The following RGPD1 variants were observed in gnomAD, a reference collection of about 807,000 sequenced individuals.
The protein encoded by RGPD1 is RANBP2-like and GRIP domain-containing protein 1.
In RGPD1, 7 loss-of-function variants were observed where a neutral mutation model predicts 40.6. The ratio of observed to expected loss-of-function variants is 0.17; its 90% CI spans 0.10 to 0.32. The LOEUF (loss-of-function observed/expected upper bound fraction) is 0.32. Among genes scored for constraint, RGPD1 ranks in the 10% least tolerant of loss-of-function variants. RGPD1 has a pLI of 1.00. For synonymous variants in RGPD1, 24 were observed against 167.0 expected (o/e 0.14, Z 6.60); for missense variants, 50 against 472.5 (o/e 0.11, Z 8.29).
chr2:86,941,099 A>G (rs566580682), upstream of RGPD1, among the ~76,000 whole-genome samples: 17 of 152,220 alleles, frequency 1.1e-4, no homozygotes, highest in African/African-American at 4.1e-4. Context: ...AAAATAGCCC[A>G]AATTTCCAGT....
At chr2:86,925,728 G>A (rs1416949347) in intron 1 of RGPD1, among the ~76,000 whole-genome samples, 1 of 151,764 alleles carries the variant, frequency 6.6e-6, no homozygotes, top group Admixed American at 6.6e-5. Flanking sequence ...GGAATTCACA[G>A]AATGCATAAT....
upstream of RGPD1, among the ~76,000 whole-genome samples, chr2:86,941,469 C>G (rs1573603505): frequency 6.7e-6 from 1 of 148,496 alleles, no homozygotes; most frequent in Non-Finnish European, 1.5e-5. Context: ...TTCATTGTAA[C>G]CTGGAACTCT....
chr2:87,006,487 TGTG>T (rs1361897947), intron 22 of RGPD1, among the ~76,000 whole-genome samples: 1 of 126,060 alleles, frequency 7.9e-6, no homozygotes, highest in Non-Finnish European at 1.6e-5. Flanking sequence ...AGAGGCTGGG[TGTG>T]GTGGCTCACT....
At chr2:86,942,331 G>A (rs1472797063) in intron 1 of RGPD1, 23 bp downstream of exon 1, 14 of 1,555,846 alleles carry the variant, frequency 9.0e-6, no homozygotes, top group South Asian at 3.5e-5. Context: ...CGAAGAGACC[G>A]ACGGCCTCGA....
At chr2:86,942,511 G>A (rs1167907355) in intron 1 of RGPD1, among the ~76,000 whole-genome samples, 2 of 117,670 alleles carry the variant, frequency 1.7e-5, no homozygotes, top group African/African-American at 6.8e-5. Context: ...CGACCTGGCC[G>A]GGCGGCGGCG....
intron 6 of RGPD1, among the ~76,000 whole-genome samples, chr2:86,960,885 G>A (rs1253371151): frequency 3.7e-5 from 1 of 26,752 alleles, no homozygotes; most frequent in Non-Finnish European, 6.2e-5. Flanking sequence ...CACCGCGCCC[G>A]GCTGGTCTCG....
rs1006197768 is a variant in RGPD1 at position 86,942,183 on chromosome 2, G to A, written c.-54G>A. 1.2e-4 allele frequency: 190 copies of A among 1,549,918 alleles called. No individual in the cohort carries two copies. The highest frequency in any genetic ancestry group is 1.5e-4 in the Non-Finnish European group (176 of 1,148,540). On this transcript the variant is annotated 5_prime_UTR_variant, in exon 1 of 23. Coordinates refer to ENST00000641458, the MANE Select transcript of RGPD1 (RefSeq NM_001382344.1). ...CGCTTTCCTGTTGGAATTGGCGACT[G>A]CTGCGGGGCTGAGCGCTGGTTTCAC...
At position 86,914,313 on chromosome 2, in the gene RGPD1, CG is replaced by C. The variant is rs1454676246; in HGVS notation, c.72+394del. Among the ~76,000 whole-genome samples the C allele has an allele frequency of 4.2e-5, 3 of 71,842 alleles. 1 individual carries two copies. The allele number at this position is 71,842 out of a possible 152,430, so 47.1% of individuals were successfully genotyped here. A position where few individuals can be genotyped will look rare whatever the true frequency, so the allele number is the denominator to read the frequency against. ...GCGGCGGCGGCGGCGGCGGCGGCGG[CG>C]GCGGCCTCGGCCTGGCCGGGCGGCG... On this transcript the variant is annotated intron_variant, in intron 1 of 22. Transcript: ENST00000398193.
At chr2:86,943,846 AC>A (rs1399022714) in intron 1 of RGPD1, among the ~76,000 whole-genome samples, 2 of 152,092 alleles carry the variant, frequency 1.3e-5, no homozygotes, top group Admixed American at 1.3e-4. Flanking sequence ...CCTCGTCTCT[AC>A]TAAAAATAGA....
intron 1 of RGPD1, among the ~76,000 whole-genome samples, chr2:86,925,128 A>G: frequency 6.6e-6 from 1 of 152,208 alleles, no homozygotes; most frequent in Non-Finnish European, 1.5e-5. Flanking sequence ...TAGATTTTAA[A>G]AAATTTGTAA....
chr2:86,929,524 T>C (rs1678751660), intron 1 of RGPD1, among the ~76,000 whole-genome samples: 1 of 151,582 alleles, frequency 6.6e-6, no homozygotes, highest in Admixed American at 6.6e-5. Context: ...CTGTTTTAAG[T>C]GCTTTACATG....
chr2:86,924,823 TTTTAA>T, intron 1 of RGPD1, among the ~76,000 whole-genome samples: 1 of 151,718 alleles, frequency 6.6e-6, no homozygotes, highest in African/African-American at 2.4e-5. Context: ...TTTTAATTTC[TTTTAA>T]TTTAATTTCT....
At chr2:87,009,148 A>G (rs1048232860) in intron 22 of RGPD1, among the ~76,000 whole-genome samples, 4 of 71,926 alleles carry the variant, frequency 5.6e-5, no homozygotes, top group Admixed American at 3.3e-4. Flanking sequence ...TACTAAAAAT[A>G]CAAAAAATTA....
At chr2:86,942,873 C>T (rs1026478081) in intron 1 of RGPD1, among the ~76,000 whole-genome samples, 13 of 152,002 alleles carry the variant, frequency 8.6e-5, no homozygotes, top group African/African-American at 2.7e-4. Flanking sequence ...ATACCTTTGG[C>T]GCCGGATCTT....
intron 1 of RGPD1, among the ~76,000 whole-genome samples, chr2:86,920,198 T>C (rs1438136860): frequency 6.6e-6 from 1 of 151,822 alleles, no homozygotes; most frequent in African/African-American, 2.4e-5. Flanking sequence ...GCCTCCTGAG[T>C]AGCTGGGATT....
In RGPD1 at chr2:86,942,417, C is replaced by T. The variant is rs1224022014; in HGVS notation, c.72+109C>T. On this transcript the variant is annotated intron_variant, in intron 1 of 22. Coordinates refer to ENST00000641458, the MANE Select transcript of RGPD1 (RefSeq NM_001382344.1). ...CGGGCGGCGGCCTCGATGGCTCAGG[C>T]GTCATGGCTCCCGACGGGCGCTGCT... The T allele has an allele frequency of 4.1e-5, 49 of 1,190,414 alleles. 1 individual carries two copies. The highest frequency in any genetic ancestry group is 3.1e-4 in the African/African-American group (19 of 61,488). The allele number at this position is 1,190,414 out of a possible 1,614,324, so 73.7% of individuals were successfully genotyped here.
chr2:87,009,291 C>A (rs1417754746), intron 22 of RGPD1, among the ~76,000 whole-genome samples: 6 of 7,098 alleles, frequency 8.5e-4, no homozygotes, highest in Admixed American at 1.3e-3. Flanking sequence ...GGCAACAGAG[C>A]AAGACTCTGT....
chr2:86,962,577 C>T (rs1284080229), intron 6 of RGPD1, among the ~76,000 whole-genome samples: 1 of 118,772 alleles, frequency 8.4e-6, no homozygotes, highest in South Asian at 2.6e-4. Flanking sequence ...GTAAAAAGAG[C>T]AATTGCTGTA....
At chr2:86,916,174 CAGTG>C (rs1286265291) in intron 1 of RGPD1, among the ~76,000 whole-genome samples, 1 of 151,822 alleles carries the variant, frequency 6.6e-6, no homozygotes, top group Non-Finnish European at 1.5e-5. Flanking sequence ...CTGGAGGTGA[CAGTG>C]AGCTATAATT....
Sources: allele counts gnomAD v4.1 joint callset (sites outside exome capture counted in the v4.1 genomes callset), GRCh38; gene constraint gnomAD v4.1.1; transcripts MANE v1.5; gene names NCBI Gene and HGNC (gene_info 2026-07-23, HGNC 2026-07-21).